CSMD1: variants seen among roughly 807,000 people sequenced by gnomAD.
CSMD1 encodes CUB and Sushi multiple domains 1.
Under a neutral mutation model 417.5 loss-of-function variants are expected in CSMD1, and 213 were observed. The observed-to-expected ratio is 0.51, with a 90% CI of 0.46 to 0.57. The LOEUF is 0.57. Among genes scored for constraint, CSMD1 ranks in the 20% least tolerant of loss-of-function variants. The pLI is 0.00. For missense variants in CSMD1, 6,923 were observed against 4,529.7 expected, an observed-to-expected ratio of 1.53 and a Z score of -15.17; for synonymous variants, 2,862 against 1,736.8, an observed-to-expected ratio of 1.65 and a Z score of -16.11.
At chr8:4,737,187 G>C (rs1049609993) in intron 1 of CSMD1, among the ~76,000 whole-genome samples, 1 of 152,126 alleles carries the variant, frequency 6.6e-6, no homozygotes, top group African/African-American at 2.4e-5. Context: ...CCTCTGCAGG[G>C]ACATGGATGG....
intron 41 of CSMD1, among the ~76,000 whole-genome samples, chr8:3,133,882 G>C (rs1243488178): frequency 6.6e-6 from 1 of 152,174 alleles, no homozygotes; most frequent in African/African-American, 2.4e-5. Flanking sequence ...GTCCTAGAAA[G>C]TGCTCTGTCA....
chr8:3,819,760 T>A (rs761987201), intron 5 of CSMD1, among the ~76,000 whole-genome samples: 53 of 152,198 alleles, frequency 3.5e-4, no homozygotes, highest in Middle Eastern at 6.8e-3. Flanking sequence ...AGCTAATTTT[T>A]AAAAATTATA....
chr8:3,464,297 A>C (rs998036186), intron 12 of CSMD1, among the ~76,000 whole-genome samples: 1 of 152,136 alleles, frequency 6.6e-6, no homozygotes, highest in Non-Finnish European at 1.5e-5. Context: ...TACAATAGCA[A>C]ACATGTAATT....
At chr8:3,850,733 T>TA (rs561424213) in intron 5 of CSMD1, among the ~76,000 whole-genome samples, 1 of 151,712 alleles carries the variant, frequency 6.6e-6, no homozygotes, top group Non-Finnish European at 1.5e-5. Context: ...AATAAAACAA[T>TA]AAAAAAATTG....
At position 4,661,651 on chromosome 8, in the gene CSMD1, T is replaced by C. The variant is rs183840491; in HGVS notation, c.86-24093A>G. Among the ~76,000 whole-genome samples the C allele has an allele frequency of 1.1e-4, 16 of 152,300 alleles. No individual in the cohort carries two copies. The East Asian group carries it at 2.9e-3, about 28-fold the overall frequency. Reference sequence around the variant, plus strand: ...CCGTAAGGGGAAACTGAGCAATAGATACAAGATATCTCTCCGTATTATTGT... The same window carrying C: ...CCGTAAGGGGAAACTGAGCAATAGACACAAGATATCTCTCCGTATTATTGT... On this transcript the variant is annotated intron_variant, in intron 1 of 69. Coordinates refer to ENST00000635120, the MANE Select transcript of CSMD1 (RefSeq NM_033225.6).
chr8:3,603,414 G>C (rs192207136), intron 8 of CSMD1, among the ~76,000 whole-genome samples: 1 of 152,124 alleles, frequency 6.6e-6, no homozygotes, highest in Non-Finnish European at 1.5e-5. Context: ...AAAGGCTTGC[G>C]AGCTAAAGCC....
chr8:3,349,894 T>A (rs1217013498), intron 21 of CSMD1, among the ~76,000 whole-genome samples: 1 of 94,128 alleles, frequency 1.1e-5, no homozygotes, highest in African/African-American at 3.9e-5. Context: ...TATATATTTA[T>A]AATATATATT....
intron 2 of CSMD1, among the ~76,000 whole-genome samples, chr8:4,632,404 C>T (rs1802575242): frequency 1.3e-5 from 2 of 151,938 alleles, no homozygotes; most frequent in African/African-American, 4.8e-5. Context: ...CCCAGTTACT[C>T]AGGAGGCTGA....
At chr8:4,285,705 A>G (rs1057026260) in intron 3 of CSMD1, among the ~76,000 whole-genome samples, 5 of 152,184 alleles carry the variant, frequency 3.3e-5, no homozygotes, top group East Asian at 1.9e-4. Flanking sequence ...CAGAACTAGT[A>G]AAACAGTCAG....
intron 3 of CSMD1, among the ~76,000 whole-genome samples, chr8:4,259,665 G>C (rs930605338): frequency 3.9e-5 from 6 of 151,916 alleles, no homozygotes; most frequent in Non-Finnish European, 7.4e-5. Context: ...TCCCCTACTG[G>C]CAGTACTGGG....
intron 1 of CSMD1, among the ~76,000 whole-genome samples, chr8:4,872,513 T>A (rs1333786537): frequency 6.6e-6 from 1 of 152,180 alleles, no homozygotes; most frequent in East Asian, 1.9e-4. Flanking sequence ...TGGTTCCCTT[T>A]CACCTTCCAC....
chr8:4,513,352 C>G lies in CSMD1; in HGVS notation c.303-93287G>C, dbSNP rs530610031. On this transcript the variant is annotated intron_variant, in intron 2 of 69. Transcript: ENST00000635120. ...TAGTAAAACATAAAGCAGCAAACAT[C>G]GAAGCTACTATAGCGATGCTAATTT... Among the ~76,000 whole-genome samples, 7 of 152,066 alleles carry G rather than the reference C, an allele frequency of 4.6e-5. No individual in the cohort carries two copies. The East Asian group carries it at 1.2e-3, about 25-fold the overall frequency.
At chr8:4,067,851 G>A (rs925669694) in intron 3 of CSMD1, among the ~76,000 whole-genome samples, 2 of 152,100 alleles carry the variant, frequency 1.3e-5, no homozygotes, top group African/African-American at 4.8e-5. Context: ...GGCCGAGGTG[G>A]GCGGATCATG....
intron 3 of CSMD1, among the ~76,000 whole-genome samples, chr8:4,134,558 C>T (rs556734120): frequency 1.3e-5 from 2 of 152,314 alleles, no homozygotes; most frequent in South Asian, 4.1e-4. Context: ...GTCTGTGGCA[C>T]ATTGTTATGG....
chr8:3,926,834 G>T (rs3096610), intron 5 of CSMD1, among the ~76,000 whole-genome samples: 1 of 147,198 alleles, frequency 6.8e-6, no homozygotes, highest in African/African-American at 2.5e-5. Flanking sequence ...CCCTGCCTCA[G>T]ACTCCCAAGT....
intron 2 of CSMD1, among the ~76,000 whole-genome samples, chr8:4,581,074 G>A (rs956507978): frequency 2.6e-5 from 4 of 152,134 alleles, no homozygotes; most frequent in African/African-American, 9.7e-5. Flanking sequence ...TAGTTTACAT[G>A]ACTACATTTT....
intron 3 of CSMD1, among the ~76,000 whole-genome samples, chr8:4,213,205 C>G (rs1051989262): frequency 6.6e-6 from 1 of 152,076 alleles, no homozygotes. Flanking sequence ...TCATATTTCA[C>G]TAATGGGTAC....
intron 5 of CSMD1, among the ~76,000 whole-genome samples, chr8:3,815,274 A>G (rs1801308974): frequency 6.6e-6 from 1 of 152,174 alleles, no homozygotes; most frequent in Non-Finnish European, 1.5e-5. Flanking sequence ...TGTGTCATTG[A>G]TAACAGAAGA....
At chr8:3,397,332 G>A (rs566619104) in intron 16 of CSMD1, among the ~76,000 whole-genome samples, 24 of 152,250 alleles carry the variant, frequency 1.6e-4, no homozygotes, top group Non-Finnish European at 1.5e-5. Context: ...TGGGAGAGGG[G>A]AAGCAATCTT....
Sources: allele counts gnomAD v4.1 joint callset (sites outside exome capture counted in the v4.1 genomes callset), GRCh38; gene constraint gnomAD v4.1.1; transcripts MANE v1.5; gene names NCBI Gene and HGNC (gene_info 2026-07-23, HGNC 2026-07-21).